The following TRIM2 variants were observed in gnomAD, a reference collection of about 807,000 sequenced individuals.
The protein encoded by TRIM2 is tripartite motif containing 2.
Under a neutral mutation model 75.2 loss-of-function variants are expected in TRIM2, and 20 were observed. The ratio of observed to expected loss-of-function variants is 0.27; its 90% CI spans 0.19 to 0.39. The LOEUF (loss-of-function observed/expected upper bound fraction) is 0.39, where lower values mean the gene tolerates loss of function less well. TRIM2 is among the 10% of genes least tolerant of loss of function. The pLI is 1.00. For missense variants in TRIM2, 660 were observed against 990.8 expected (o/e 0.67, Z 4.48); for synonymous variants, 373 against 388.3 (o/e 0.96, Z 0.46).
intron 1 of TRIM2, among the ~76,000 whole-genome samples, chr4:153,266,447 A>T (rs1755129587): frequency 6.8e-6 from 1 of 148,098 alleles, no homozygotes; most frequent in South Asian, 2.1e-4. Flanking sequence ...GGTTCAAGCG[A>T]TTCTCCTGCC....
At chr4:153,166,768 T>C (rs1413481209) in intron 1 of TRIM2, among the ~76,000 whole-genome samples, 1 of 152,162 alleles carries the variant, frequency 6.6e-6, no homozygotes, top group African/African-American at 2.4e-5. Flanking sequence ...AGAAGCCTCC[T>C]AAGAATACTT....
intron 1 of TRIM2, among the ~76,000 whole-genome samples, chr4:153,260,730 T>A (rs1753333381): frequency 1.1e-5 from 1 of 87,338 alleles, no homozygotes; most frequent in Non-Finnish European, 2.0e-5. Context: ...ACACACATCA[T>A]CATCATCATC....
chr4:153,314,248 G>C (rs993251801), intron 6 of TRIM2, among the ~76,000 whole-genome samples: 1 of 144,534 alleles, frequency 6.9e-6, no homozygotes, highest in African/African-American at 2.9e-5. Context: ...GTGAAACCCT[G>C]TCTCTACTAA....
chr4:153,240,713 A>G (rs1746332882), intron 1 of TRIM2, among the ~76,000 whole-genome samples: 1 of 152,268 alleles, frequency 6.6e-6, no homozygotes, highest in Non-Finnish European at 1.5e-5. Flanking sequence ...TCCAATAACC[A>G]TATAACCATG....
intron 3 of TRIM2, among the ~76,000 whole-genome samples, chr4:153,290,719 G>A (rs752055914): frequency 2.6e-5 from 4 of 152,096 alleles, no homozygotes; most frequent in Admixed American, 6.6e-5. Context: ...CTCGAACTCC[G>A]AAGCTCAAGC....
chr4:153,283,672 C>T (rs1450610828), intron 3 of TRIM2, among the ~76,000 whole-genome samples: 4 of 144,588 alleles, frequency 2.8e-5, no homozygotes, highest in African/African-American at 1.0e-4. Context: ...CAGAGTTGCT[C>T]TTTTGCCAGG....
At position 153,246,837 on chromosome 4, in the gene TRIM2, G is replaced by T. The variant is rs368455914; in HGVS notation, c.31-23498G>T. Among the ~76,000 whole-genome samples the T allele has an allele frequency of 1.2e-3, 181 of 152,262 alleles. 1 individual carries two copies. The highest frequency in any genetic ancestry group is 4.2e-3 in the African/African-American group (174 of 41,560). ...ACCTGACCGTGCACACATTCCATCT[G>T]CTGCTGCTTGACTTCTATTCTTCCG... is the stretch of plus-strand genomic sequence containing the variant. On this transcript the variant is annotated intron_variant, in intron 1 of 11. Coordinates refer to ENST00000338700, the MANE Select transcript of TRIM2 (RefSeq NM_015271.5).
chr4:153,216,355 A>G (rs1180699966), intron 1 of TRIM2, among the ~76,000 whole-genome samples: 1 of 152,184 alleles, frequency 6.6e-6, no homozygotes, highest in Non-Finnish European at 1.5e-5. Flanking sequence ...CTATTTTTTA[A>G]TATTATTTTA....
intron 6 of TRIM2, among the ~76,000 whole-genome samples, chr4:153,312,931 G>A (rs1048502628): frequency 3.3e-5 from 5 of 152,056 alleles, no homozygotes; most frequent in African/African-American, 1.2e-4. Flanking sequence ...AGACATGGGG[G>A]AAAGACCAAA....
At chr4:153,316,497 CAG>C (rs1328091412) in intron 8 of TRIM2, among the ~76,000 whole-genome samples, 1 of 151,864 alleles carries the variant, frequency 6.6e-6, no homozygotes, top group Non-Finnish European at 1.5e-5. Flanking sequence ...CAAGAAATGA[CAG>C]AAAACAATTT....
At chr4:153,190,859 C>A (rs1000701170) in intron 1 of TRIM2, among the ~76,000 whole-genome samples, 3 of 152,130 alleles carry the variant, frequency 2.0e-5, no homozygotes, top group African/African-American at 4.8e-5. Flanking sequence ...TGCCTCAGCA[C>A]CCCGGGTAGC....
chr4:153,203,713 G>A (rs537262016), upstream of TRIM2, among the ~76,000 whole-genome samples: 4 of 151,970 alleles, frequency 2.6e-5, no homozygotes, highest in South Asian at 2.1e-4. Flanking sequence ...CCAACATGGC[G>A]AAACCCCGTC....
chr4:153,193,423 G>A (rs537404346), intron 1 of TRIM2, among the ~76,000 whole-genome samples: 8 of 152,226 alleles, frequency 5.3e-5, no homozygotes, highest in South Asian at 2.1e-4. Flanking sequence ...GAGCCACCGC[G>A]CCTGGCCCAT....
chr4:153,221,859 A>AAGG (rs1560834888), intron 1 of TRIM2, among the ~76,000 whole-genome samples: 3 of 97,290 alleles, frequency 3.1e-5, no homozygotes, highest in South Asian at 5.2e-4. Flanking sequence ...AGGAAAGAAG[A>AAGG]GAGAGAGGAA....
intron 1 of TRIM2, among the ~76,000 whole-genome samples, chr4:153,166,514 TTTCC>T (rs538452595): frequency 2.9e-4 from 19 of 65,430 alleles, no homozygotes; most frequent in East Asian, 1.0e-3. Context: ...CCTCTTTTCT[TTTCC>T]TTCCTTCCTT....
At chr4:153,234,801 C>G (rs186273416) in intron 1 of TRIM2, among the ~76,000 whole-genome samples, 6 of 152,338 alleles carry the variant, frequency 3.9e-5, no homozygotes, top group Non-Finnish European at 5.9e-5. Flanking sequence ...CCAGACCTTT[C>G]TTCTGAGCCT....
At chr4:153,222,100 C>A (rs1317611871) in intron 1 of TRIM2, 1 of 84,414 alleles carries the variant, frequency 1.2e-5, no homozygotes, top group Non-Finnish European at 2.5e-5. Context: ...AGGGTCCCTA[C>A]TCCAACTTCT....
chr4:153,295,152 A>G lies in TRIM2; in HGVS notation c.787-161A>G, dbSNP rs1560965537. 6.6e-6 allele frequency among the ~76,000 whole-genome samples: 1 copy of G among 152,160 alleles called. No individual in the cohort carries two copies. Among genetic ancestry groups the G allele is most frequent in the Non-Finnish European group, 1.5e-5 (1 of 68,034 alleles). On this transcript the variant is annotated intron_variant, in intron 5 of 11. Coordinates refer to ENST00000338700, the MANE Select transcript of TRIM2 (RefSeq NM_015271.5). The surrounding 1 kb of genome is among the most constrained non-coding windows in gnomAD (Gnocchi z 7.2). ...AAAGGTACTGGGAATGCAGTTTAGG[A>G]CTTTGCGTTAGCACTGGGTTCCCTG...
Position 153,339,266 on chromosome 4 carries a change from T to TCTTTACC in TRIM2, c.*4301_*4307dup. 1.2e-6 allele frequency: 1 copy of TCTTTACC among 855,884 alleles called. No homozygotes were observed. The highest frequency in any genetic ancestry group is 6.2e-5 in the Admixed American group (1 of 16,140). The allele number at this position is 855,884 out of a possible 1,614,324, so 53.0% of individuals were successfully genotyped here. On this transcript the variant is annotated 3_prime_UTR_variant, in exon 12 of 12. Coordinates refer to ENST00000338700, the MANE Select transcript of TRIM2 (RefSeq NM_015271.5). ...AGGAGAAACAGGATTCATGTGTATC[T>TCTTTACC]CTTTACCATGCACAAAATCTCAAAT...
Sources: gnomAD v4.1 joint callset for allele counts (sites outside exome capture counted in the v4.1 genomes callset) on GRCh38, gnomAD v4.1.1 for gene constraint, Gnocchi (gnomAD v3.1) non-coding constraint, MANE v1.5 for transcripts, NCBI Gene and HGNC (gene_info 2026-07-23, HGNC 2026-07-21) for gene names.